Variants in MAP2 observed in about 807,000 individuals in gnomAD.
MAP2 encodes microtubule associated protein 2.
MAP2 carries 14 observed loss-of-function variants against 137.6 expected under a neutral mutation model. The observed-to-expected ratio is 0.10, with a 90% confidence interval of 0.07 to 0.16. The LOEUF is 0.16. Ranked by LOEUF, MAP2 falls within the 10% of genes least tolerant of loss-of-function variation. The pLI, the probability that MAP2 is intolerant of heterozygous loss-of-function variation, is 1.00. For missense variants in MAP2, 2,088 were observed against 2,191.5 expected, an observed-to-expected ratio of 0.95 and a Z score of 0.94; for synonymous variants, 786 against 782.3, an observed-to-expected ratio of 1.00 and a Z score of -0.08.
chr2:209,538,222 A>G (rs554677580), intron 2 of MAP2, among the ~76,000 whole-genome samples: 6 of 152,234 alleles, frequency 3.9e-5, no homozygotes, highest in Non-Finnish European at 8.8e-5. Context: ...AATTTATGAT[A>G]TAATGAAATA....
chr2:209,700,158 G>A, intron 10 of MAP2, 119 bp from the exon 11 acceptor site: 2 of 706,970 alleles, frequency 2.8e-6, no homozygotes, highest in Non-Finnish European at 4.9e-6. Context: ...CTCATAATAA[G>A]CAAACTTTTG....
rs79842751 is a variant in MAP2, at chr2:209,503,622, A to G, written c.-221-3970A>G. ...TAAAAGTCTATTTTCATTCTTTTAC[A>G]TGTAGTACCCAGTTTACCTAACACC... On this transcript the variant is annotated intron_variant, in intron 1 of 15. Transcript: ENST00000682079. 2.1e-3 allele frequency among the ~76,000 whole-genome samples: 321 copies of G among 152,188 alleles called. 7 individuals carry two copies. Among genetic ancestry groups the G allele is most frequent in the East Asian group, 0.013 (65 of 5,170 alleles).
At chr2:209,531,322 C>G (rs1255041510) in intron 2 of MAP2, among the ~76,000 whole-genome samples, 1 of 152,150 alleles carries the variant, frequency 6.6e-6, no homozygotes, top group Admixed American at 6.5e-5. Flanking sequence ...AATATCTACT[C>G]TTTATCATGC....
chr2:209,624,727 G>A (rs1432541019), intron 3 of MAP2, among the ~76,000 whole-genome samples: 1 of 152,122 alleles, frequency 6.6e-6, no homozygotes, highest in East Asian at 1.9e-4. Context: ...AAATATGATT[G>A]TCTGCTATTT....
intron 1 of MAP2, among the ~76,000 whole-genome samples, chr2:209,506,919 T>C (rs1463517718): frequency 1.3e-5 from 2 of 152,198 alleles, no homozygotes; most frequent in Non-Finnish European, 2.9e-5. Context: ...TTCCCAGTTC[T>C]GGAAGCAGTG....
intron 2 of MAP2, among the ~76,000 whole-genome samples, chr2:209,511,344 C>T (rs1398945140): frequency 2.0e-5 from 3 of 152,080 alleles, no homozygotes; most frequent in African/African-American, 7.2e-5. Flanking sequence ...CTACCTCCAA[C>T]CCTATCCTAT....
intron 1 of MAP2, among the ~76,000 whole-genome samples, chr2:209,487,252 A>T (rs1292746414): frequency 2.0e-5 from 3 of 152,142 alleles, no homozygotes; most frequent in African/African-American, 7.2e-5. Context: ...TGGGTCCAGA[A>T]ATCTGTGGAA....
intron 5 of MAP2, among the ~76,000 whole-genome samples, chr2:209,670,331 A>G (rs185395153): frequency 6.6e-6 from 1 of 152,124 alleles, no homozygotes; most frequent in Admixed American, 6.6e-5. Flanking sequence ...AGAACATGAT[A>G]AATATAAAGC....
intron 1 of MAP2, among the ~76,000 whole-genome samples, chr2:209,504,969 C>G (rs2150162699): frequency 6.6e-6 from 1 of 152,310 alleles, no homozygotes; most frequent in African/African-American, 2.4e-5. Flanking sequence ...TACACAGTCA[C>G]TGAGTGTGTT....
intron 2 of MAP2, among the ~76,000 whole-genome samples, chr2:209,519,970 T>TA (rs974545470): frequency 2.6e-5 from 4 of 151,996 alleles, no homozygotes; most frequent in Non-Finnish European, 5.9e-5. Context: ...ATGGATCATA[T>TA]AAAAAAGGTC....
intron 11 of MAP2, 113 bp from the exon 12 acceptor site, chr2:209,705,467 G>C: frequency 1.3e-6 from 1 of 761,388 alleles, no homozygotes; most frequent in Non-Finnish European, 2.0e-6. Flanking sequence ...CCAGTAGTTT[G>C]TATTAAAAGA....
intron 2 of MAP2, among the ~76,000 whole-genome samples, chr2:209,549,334 T>G (rs1438739009): frequency 6.6e-6 from 1 of 152,158 alleles, no homozygotes; most frequent in African/African-American, 2.4e-5. Context: ...CAGAACAGAC[T>G]TGTGCAAGGC....
intron 11 of MAP2, among the ~76,000 whole-genome samples, chr2:209,701,416 T>G (rs1357948551): frequency 6.6e-6 from 1 of 151,860 alleles, no homozygotes; most frequent in Non-Finnish European, 1.5e-5. Flanking sequence ...ACATGAAGTA[T>G]TTTCACTCCT....
chr2:209,459,341 C>G (rs1702228088), intron 1 of MAP2, among the ~76,000 whole-genome samples: 2 of 152,174 alleles, frequency 1.3e-5, no homozygotes, highest in Admixed American at 6.5e-5. Flanking sequence ...CCTGGCACAT[C>G]TTAAGTGCTT....
intron 3 of MAP2, among the ~76,000 whole-genome samples, chr2:209,586,627 G>C (rs1390383057): frequency 1.3e-5 from 2 of 152,154 alleles, no homozygotes; most frequent in South Asian, 2.1e-4. Flanking sequence ...AAAAGGGTAA[G>C]AGTAGATGCT....
At chr2:209,612,767 G>T (rs1259451388) in intron 3 of MAP2, among the ~76,000 whole-genome samples, 1 of 152,162 alleles carries the variant, frequency 6.6e-6, no homozygotes, top group Admixed American at 6.5e-5. Context: ...TTTTGGTCAT[G>T]AGTCAACTTC....
intron 3 of MAP2, among the ~76,000 whole-genome samples, chr2:209,615,334 A>G (rs1172986801): frequency 6.6e-6 from 1 of 152,188 alleles, no homozygotes; most frequent in African/African-American, 2.4e-5. Flanking sequence ...CTTCTCAAAG[A>G]CAACCTCATG....
chr2:209,579,422 T>A (rs1439034754), intron 2 of MAP2: 1 of 152,170 alleles, frequency 6.6e-6, no homozygotes, highest in Non-Finnish European at 1.5e-5. Flanking sequence ...GAAGCCCCTA[T>A]GGCAAACCGC....
At chr2:209,641,517 T>C (rs902297747) in intron 4 of MAP2, among the ~76,000 whole-genome samples, 1 of 151,710 alleles carries the variant, frequency 6.6e-6, no homozygotes, top group Non-Finnish European at 1.5e-5. Context: ...AGTTACATAC[T>C]TATGAAACTA....
Sources: allele counts gnomAD v4.1 joint callset (sites outside exome capture counted in the v4.1 genomes callset), GRCh38; gene constraint gnomAD v4.1.1; transcripts MANE v1.5; gene names NCBI Gene and HGNC (gene_info 2026-07-23, HGNC 2026-07-21).